TMEM64: variants seen among roughly 807,000 people sequenced by gnomAD.
The protein encoded by TMEM64 is transmembrane protein 64.
In TMEM64, 19 loss-of-function variants were observed where a neutral mutation model predicts 24.5. That is an observed-to-expected ratio of 0.78 (90% CI 0.54 to 1.14). The LOEUF is 1.14. Ranked by LOEUF, TMEM64 falls within the 50% of genes most tolerant of loss-of-function variation. The probability of loss-of-function intolerance (pLI) is 0.00; values close to 1 mark genes in which losing one functional copy is unlikely to be tolerated. For synonymous variants in TMEM64, 262 were observed against 224.7 expected, an observed-to-expected ratio of 1.17 and a Z score of -1.49; for missense variants, 487 against 493.0, an observed-to-expected ratio of 0.99 and a Z score of 0.12.
At position 90,623,197 on chromosome 8, in the gene TMEM64, C is replaced by A; in HGVS notation, c.*2474G>T. On this transcript the variant is annotated 3_prime_UTR_variant, in exon 3 of 3. Transcript: ENST00000458549. ...GTGCATTAAGCAACTTTATACTGCACTTTAACAGTCTGAGAAATTTGACAT... is the reference window on the plus strand; with the variant it reads ...GTGCATTAAGCAACTTTATACTGCAATTTAACAGTCTGAGAAATTTGACAT... 6.6e-6 allele frequency: 1 copy of A among 152,092 alleles called. No homozygotes were observed. The highest frequency in any genetic ancestry group is 1.9e-4 in the East Asian group (1 of 5,196). The allele number at this position is 152,092 out of a possible 1,614,324, so 9.4% of individuals were successfully genotyped here. A position where few individuals can be genotyped will look rare whatever the true frequency, so the allele number is the denominator to read the frequency against.
intron 2 of TMEM64, among the ~76,000 whole-genome samples, chr8:90,629,390 AT>A (rs1302500646): frequency 6.6e-6 from 1 of 152,192 alleles, no homozygotes; most frequent in Non-Finnish European, 1.5e-5. Flanking sequence ...GCATAAAAAT[AT>A]AAAGTTTCAA....
At chr8:90,643,070 C>CA (rs1809630976) in intron 1 of TMEM64, among the ~76,000 whole-genome samples, 1 of 152,188 alleles carries the variant, frequency 6.6e-6, no homozygotes, top group African/African-American at 2.4e-5. Context: ...ATGTAAGAGA[C>CA]AAAATCAAAA....
At position 90,645,020 on chromosome 8, in the gene TMEM64, G is replaced by T. The variant is rs1211896716; in HGVS notation, c.795+91C>A. 1.5e-6 allele frequency: 2 copies of T among 1,342,908 alleles called. No homozygotes were observed. The highest frequency in any genetic ancestry group is 1.4e-5 in the South Asian group (1 of 72,476). The allele number at this position is 1,342,908 out of a possible 1,614,324, so 83.2% of individuals were successfully genotyped here. Reference sequence around the variant, plus strand: ...TGCCGTCAATGTCACTTCTCTGCTGGTATTTATCTGATAGAGCGCCCTCCT... The same window carrying T: ...TGCCGTCAATGTCACTTCTCTGCTGTTATTTATCTGATAGAGCGCCCTCCT... On this transcript the variant is annotated intron_variant, in intron 1 of 2. Coordinates refer to ENST00000458549, the MANE Select transcript of TMEM64 (RefSeq NM_001008495.4). The surrounding 1 kb of genome is among the most constrained non-coding windows in gnomAD (Gnocchi z 4.2).
rs1809439034 is a variant in TMEM64 at position 90,631,551 on chromosome 8, C to T, written c.951+1G>A. On this transcript the variant is annotated splice_donor_variant, in intron 2 of 2. Transcript: ENST00000458549. LOFTEE classifies it high-confidence loss of function. ...GAGACAACCCTTGGCCTTAAACTCA[C>T]CTGTAAACAAAAAACAAAATATCCA... 6.3e-7 allele frequency: 1 copy of T among 1,586,600 alleles called. No homozygotes were observed. Among genetic ancestry groups the T allele is most frequent in the Non-Finnish European group, 8.6e-7 (1 of 1,160,624 alleles).
At chr8:90,642,837 G>T (rs536105310) in intron 1 of TMEM64, among the ~76,000 whole-genome samples, 2 of 152,184 alleles carry the variant, frequency 1.3e-5, no homozygotes, top group South Asian at 4.1e-4. Context: ...TGGTAGGTGG[G>T]TGACTGAAGA....
In TMEM64 at chr8:90,624,770, G is replaced by T. The variant is rs1286950476; in HGVS notation, c.*901C>A. The T allele has an allele frequency of 6.6e-6, 1 of 152,500 alleles. No individual in the cohort carries two copies. Among genetic ancestry groups the T allele is most frequent in the Non-Finnish European group, 1.5e-5 (1 of 67,976 alleles). The allele number at this position is 152,500 out of a possible 1,614,324, so 9.4% of individuals were successfully genotyped here. A position where few individuals can be genotyped will look rare whatever the true frequency, so the allele number is the denominator to read the frequency against. On this transcript the variant is annotated 3_prime_UTR_variant, in exon 3 of 3. Transcript: ENST00000458549. ...TTTGATCAAACAAGGCCACCTGAGTGACATCTTCAATGATGGTAAGCCCAC... is the reference window on the plus strand; with the variant it reads ...TTTGATCAAACAAGGCCACCTGAGTTACATCTTCAATGATGGTAAGCCCAC...
In TMEM64 at chr8:90,625,526, A is replaced by T. The variant is rs1809343000; in HGVS notation, c.*145T>A. The T allele has an allele frequency of 1.4e-4, 36 of 252,818 alleles. No homozygotes were observed. Among genetic ancestry groups the T allele is most frequent in the Non-Finnish European group, 2.1e-4 (30 of 144,664 alleles). The allele number at this position is 252,818 out of a possible 1,614,324, so 15.7% of individuals were successfully genotyped here. A position where few individuals can be genotyped will look rare whatever the true frequency, so the allele number is the denominator to read the frequency against. On this transcript the variant is annotated 3_prime_UTR_variant, in exon 3 of 3. Coordinates refer to ENST00000458549, the MANE Select transcript of TMEM64 (RefSeq NM_001008495.4). ...ATACCCAGAAAATGATTCTTGCTTT[A>T]AAAAAAAAAAATTGTGCAATTTAAA... is the stretch of plus-strand genomic sequence containing the variant.
At position 90,624,964 on chromosome 8, in the gene TMEM64, T is replaced by C. The variant is rs1460408910; in HGVS notation, c.*707A>G. 5 of 152,556 alleles carry C rather than the reference T, an allele frequency of 3.3e-5. No homozygotes were observed. The highest frequency in any genetic ancestry group is 7.2e-5 in the African/African-American group (3 of 41,440). The allele number at this position is 152,556 out of a possible 1,614,324, so 9.5% of individuals were successfully genotyped here. A position where few individuals can be genotyped will look rare whatever the true frequency, so the allele number is the denominator to read the frequency against. ...CTGAATTAGAACAAGAGTTCCAATT[T>C]TGAGCTACCATCCACCAAATAATTT... On this transcript the variant is annotated 3_prime_UTR_variant, in exon 3 of 3. Coordinates refer to ENST00000458549, the MANE Select transcript of TMEM64 (RefSeq NM_001008495.4).
chr8:90,643,439 A>C (rs1809637788), intron 1 of TMEM64, among the ~76,000 whole-genome samples: 1 of 152,220 alleles, frequency 6.6e-6, no homozygotes, highest in Non-Finnish European at 1.5e-5. Flanking sequence ...AGGTCACTAG[A>C]TTCTAAGCAG....
chr8:90,639,755 TTAA>T (rs1260270663), intron 1 of TMEM64, among the ~76,000 whole-genome samples: 1 of 152,198 alleles, frequency 6.6e-6, no homozygotes, highest in African/African-American at 2.4e-5. Flanking sequence ...CACGAAAATG[TTAA>T]TGATGTTTTT....
rs1251836298 is a variant in TMEM64, at chr8:90,645,633, G to A, written c.273C>T (p.Gly91=). 6 of 1,533,790 alleles carry A rather than the reference G, an allele frequency of 3.9e-6. No homozygotes were observed. The highest frequency in any genetic ancestry group is 3.5e-6 in the Non-Finnish European group (4 of 1,145,020). ...LPEPGGALAG[G]PGSGGGGVVV... Reference sequence around the variant, plus strand: ...CCACGCCGCCGCCGCCACTCCCGGGGCCGCCCGCCAAGGCCCCGCCCGGCT... The same window carrying A: ...CCACGCCGCCGCCGCCACTCCCGGGACCGCCCGCCAAGGCCCCGCCCGGCT... The change falls in exon 1 of 3, where the codon GGC becomes GGT. Residue 91 remains glycine, a synonymous_variant. Coordinates refer to ENST00000458549, the MANE Select transcript of TMEM64 (RefSeq NM_001008495.4). The surrounding 1 kb of genome is among the most constrained non-coding windows in gnomAD (Gnocchi z 4.2).
intron 1 of TMEM64, among the ~76,000 whole-genome samples, chr8:90,641,798 T>A (rs1010753024): frequency 1.7e-4 from 26 of 152,190 alleles, no homozygotes; most frequent in Middle Eastern, 3.2e-3. Flanking sequence ...TAAATTTTTT[T>A]AAAAAGTAGC....
rs552794560 is a variant in TMEM64 at position 90,644,902 on chromosome 8, T to TA, written c.795+208dup. 5.6e-4 allele frequency among the ~76,000 whole-genome samples: 85 copies of TA among 152,316 alleles called. No homozygotes were observed. The East Asian group carries it at 0.014, about 25-fold the overall frequency. Reference sequence around the variant, plus strand: ...ATCCCTAAAAGAAACATTAGTTTTTTATCTAACAAACTCTCTTTCGAGGCT... The same window carrying TA: ...ATCCCTAAAAGAAACATTAGTTTTTTAATCTAACAAACTCTCTTTCGAGGCT... On this transcript the variant is annotated intron_variant, in intron 1 of 2. Transcript: ENST00000458549.
intron 1 of TMEM64, among the ~76,000 whole-genome samples, chr8:90,638,441 C>A (rs1463427586): frequency 1.3e-5 from 2 of 152,156 alleles, no homozygotes; most frequent in Admixed American, 6.5e-5. Flanking sequence ...TCCCAGATGC[C>A]CCAAGTCTTT....
At chr8:90,629,408 A>G (rs1440563018) in intron 2 of TMEM64, among the ~76,000 whole-genome samples, 13 of 152,170 alleles carry the variant, frequency 8.5e-5, no homozygotes, top group Admixed American at 7.9e-4. Context: ...TCAAATAGTA[A>G]AAGTTCTCTC....
chr8:90,635,403 A>ATTTTT (rs139819870), intron 1 of TMEM64, among the ~76,000 whole-genome samples: 20 of 147,812 alleles, frequency 1.4e-4, no homozygotes, highest in African/African-American at 4.6e-4. Flanking sequence ...ATTTTATTTT[A>ATTTTT]TTTTTTTTGA....
Position 90,645,200 on chromosome 8 carries a change from G to A in TMEM64, c.706C>T (p.Arg236Cys). The change falls in exon 1 of 3, where the codon CGC becomes TGC. Residue 236 changes from arginine (R) to cysteine (C), a missense_variant. Arg to Cys is a radical substitution (Grantham distance 180). Coordinates refer to ENST00000458549, the MANE Select transcript of TMEM64 (RefSeq NM_001008495.4). This position sits in a 1 kb window ranked among gnomAD's most constrained non-coding sequence, Gnocchi z 4.2. Reference protein sequence around the residue: ...QSSEKLSAVIRVVEGGSGLKV... With the variant: ...QSSEKLSAVICVVEGGSGLKV... Reference sequence around the variant, plus strand: ...AGGCCGCTTCCTCCCTCCACTACGCGAATAACCGCGCTCAGCTTCTCGCTG... The same window carrying A: ...AGGCCGCTTCCTCCCTCCACTACGCAAATAACCGCGCTCAGCTTCTCGCTG... The A allele has an allele frequency of 6.2e-7, 1 of 1,614,156 alleles. No individual in the cohort carries two copies. Among genetic ancestry groups the A allele is most frequent in the Non-Finnish European group, 8.5e-7 (1 of 1,180,020 alleles).
chr8:90,640,650 T>C (rs1245787212), intron 1 of TMEM64, among the ~76,000 whole-genome samples: 3 of 152,204 alleles, frequency 2.0e-5, no homozygotes, highest in Non-Finnish European at 2.9e-5. Context: ...AAACTTTTAT[T>C]TAGTTGTAAT....
chr8:90,629,191 G>A (rs907573360), intron 2 of TMEM64, among the ~76,000 whole-genome samples: 2 of 152,104 alleles, frequency 1.3e-5, no homozygotes, highest in African/African-American at 2.4e-5. Flanking sequence ...TCAAACAAGC[G>A]TAAACATGTC....
Sources: gnomAD v4.1 joint callset for allele counts (sites outside exome capture counted in the v4.1 genomes callset) on GRCh38, gnomAD v4.1.1 for gene constraint, Gnocchi (gnomAD v3.1) non-coding constraint, MANE v1.5 for transcripts, NCBI Gene and HGNC (gene_info 2026-07-23, HGNC 2026-07-21) for gene names.